The following DYNLT2 variants were observed in gnomAD, a reference collection of about 807,000 sequenced individuals.
DYNLT2 encodes the protein dynein light chain Tctex-type protein 2.
Under a neutral mutation model 24.3 loss-of-function variants are expected in DYNLT2, and 24 were observed. The observed-to-expected ratio is 0.99, with a 90% CI of 0.71 to 1.39. The LOEUF is 1.39. DYNLT2 is among the 40% of genes most tolerant of loss of function. The pLI, the probability that DYNLT2 is intolerant of heterozygous loss-of-function variation, is 0.00. For synonymous variants in DYNLT2, 85 were observed against 85.4 expected (o/e 1.00, Z 0.03); for missense variants, 246 against 234.5 (o/e 1.05, Z -0.32).
chr6:169,744,686 AATTTT>A (rs1356967836), intron 1 of DYNLT2, among the ~76,000 whole-genome samples: 40 of 152,120 alleles, frequency 2.6e-4, no homozygotes, highest in African/African-American at 9.4e-4. Context: ...ATTGTCTTAA[AATTTT>A]ATTTTACTTC....
downstream of DYNLT2, among the ~76,000 whole-genome samples, chr6:169,737,118 T>A (rs1384587640): frequency 6.6e-6 from 1 of 152,214 alleles, no homozygotes; most frequent in Non-Finnish European, 1.5e-5. Flanking sequence ...CTGTTGATAC[T>A]TGTGTATGCT....
At chr6:169,747,675 A>G (rs941606790) in intron 1 of DYNLT2, among the ~76,000 whole-genome samples, 2 of 152,160 alleles carry the variant, frequency 1.3e-5, no homozygotes, top group Non-Finnish European at 2.9e-5. Flanking sequence ...TGTAATTATA[A>G]TAACTTCATA....
chr6:169,746,750 C>G (rs1487038040), intron 1 of DYNLT2, among the ~76,000 whole-genome samples: 3 of 152,024 alleles, frequency 2.0e-5, no homozygotes, highest in African/African-American at 7.2e-5. Flanking sequence ...AACAAGGCCT[C>G]TGGCAATGTG....
intron 1 of DYNLT2, among the ~76,000 whole-genome samples, chr6:169,748,511 T>G (rs1018267271): frequency 6.6e-6 from 1 of 152,252 alleles, no homozygotes; most frequent in Non-Finnish European, 1.5e-5. Context: ...TTACTCCATA[T>G]TGGCTGCGAG....
At chr6:169,725,658 A>AC in the DYNLT2 span, 2 of 208,686 alleles carry the variant, frequency 9.6e-6, no homozygotes, top group Non-Finnish European at 1.9e-5. Context: ...AAAAAAACAA[A>AC]AACAAAAAAA....
At position 169,751,523 on chromosome 6, in the gene DYNLT2, A is replaced by T; in HGVS notation, c.-65T>A. 6.2e-7 allele frequency: 1 copy of T among 1,610,612 alleles called. No individual in the cohort carries two copies. The highest frequency in any genetic ancestry group is 8.5e-7 in the Non-Finnish European group (1 of 1,178,748). On this transcript the variant is annotated 5_prime_UTR_variant, in exon 1 of 4. Transcript: ENST00000366774. ...CCGCCGGCGGTCAAACGCCCTAGCC[A>T]GTCCCGCGAGGGCGGAAGTCTCCCA... is the stretch of plus-strand genomic sequence containing the variant.
chr6:169,737,711 G>C (rs1490219365), downstream of DYNLT2, among the ~76,000 whole-genome samples: 1 of 152,126 alleles, frequency 6.6e-6, no homozygotes, highest in East Asian at 1.9e-4. Flanking sequence ...CTGACCTTGA[G>C]GGGCACCAGC....
chr6:169,744,346 G>A (rs1335853712), intron 1 of DYNLT2, 72 bp from the exon 2 acceptor site: 4 of 1,316,482 alleles, frequency 3.0e-6, no homozygotes, highest in Non-Finnish European at 4.2e-6. Context: ...TGAGTTTTCA[G>A]ATTAAATAAG....
chr6:169,730,167 C>T, the DYNLT2 span, among the ~76,000 whole-genome samples: 1 of 152,158 alleles, frequency 6.6e-6, no homozygotes, highest in East Asian at 1.9e-4. Flanking sequence ...GAAAATTGCA[C>T]AGTGCATACT....
the DYNLT2 span, among the ~76,000 whole-genome samples, chr6:169,727,552 G>GTTTGTTTT: frequency 6.8e-6 from 1 of 147,142 alleles, no homozygotes; most frequent in Non-Finnish European, 1.5e-5. Flanking sequence ...AAACTTGAAG[G>GTTTGTTTT]TTTGTTTTTT....
Position 169,751,559 on chromosome 6 carries a change from G to C in DYNLT2, c.-101C>G. The C allele has an allele frequency of 4.3e-6, 7 of 1,609,940 alleles. No homozygotes were observed. Among genetic ancestry groups the C allele is most frequent in the Middle Eastern group, 3.3e-4 (2 of 6,034 alleles). On this transcript the variant is annotated 5_prime_UTR_variant, in exon 1 of 4. Coordinates refer to ENST00000366774, the MANE Select transcript of DYNLT2 (RefSeq NM_174910.3). Reference sequence around the variant, plus strand: ...GGCGGAAGTCTCCCACCTGCGCCTCGTACGGTAGGAAGTGCCCGCCAGGGC... The same window carrying C: ...GGCGGAAGTCTCCCACCTGCGCCTCCTACGGTAGGAAGTGCCCGCCAGGGC...
At chr6:169,739,470 A>G (rs1212950249), downstream of DYNLT2, among the ~76,000 whole-genome samples, 2 of 152,136 alleles carry the variant, frequency 1.3e-5, no homozygotes, top group East Asian at 1.9e-4. Context: ...AGCAAAATGA[A>G]TGTACGTGGA....
chr6:169,730,931 T>A, the DYNLT2 span, among the ~76,000 whole-genome samples: 3 of 152,190 alleles, frequency 2.0e-5, no homozygotes, highest in Admixed American at 1.3e-4. Flanking sequence ...TGTATCTGAA[T>A]ACTTAGCATG....
chr6:169,739,764 C>T (rs563912251), downstream of DYNLT2, among the ~76,000 whole-genome samples: 2 of 152,208 alleles, frequency 1.3e-5, no homozygotes, highest in South Asian at 4.1e-4. Context: ...ACAATGAATA[C>T]AAAGTATTAA....
At chr6:169,743,883 T>C (rs1305020480) in intron 2 of DYNLT2, among the ~76,000 whole-genome samples, 185 bp downstream of exon 2, 1 of 152,178 alleles carries the variant, frequency 6.6e-6, no homozygotes, top group Non-Finnish European at 1.5e-5. Flanking sequence ...ACTGGACACC[T>C]AGCAGACAGA....
chr6:169,751,276 G>A, intron 1 of DYNLT2, 63 bp downstream of exon 1: 2 of 1,558,472 alleles, frequency 1.3e-6, no homozygotes, highest in South Asian at 2.3e-5. Context: ...GCCCACTGGG[G>A]AGCGATTTCA....
At chr6:169,734,568 G>A in the DYNLT2 span, among the ~76,000 whole-genome samples, 13 of 152,304 alleles carry the variant, frequency 8.5e-5, no homozygotes, top group Admixed American at 2.6e-4. Context: ...CTTTGGTTCT[G>A]TTTATGAGAT....
downstream of DYNLT2, among the ~76,000 whole-genome samples, chr6:169,737,616 T>C (rs1227002296): frequency 2.0e-5 from 3 of 152,128 alleles, no homozygotes; most frequent in Non-Finnish European, 4.4e-5. Context: ...GCCCTACTCA[T>C]CTGATTTGCT....
At chr6:169,735,438 C>T (rs1299115583), downstream of DYNLT2, among the ~76,000 whole-genome samples, 2 of 152,144 alleles carry the variant, frequency 1.3e-5, no homozygotes, top group Admixed American at 1.3e-4. Context: ...GTAAATTTCC[C>T]TCTTAACACT....
Sources: gnomAD v4.1 joint callset for allele counts (sites outside exome capture counted in the v4.1 genomes callset) on GRCh38, gnomAD v4.1.1 for gene constraint, MANE v1.5 for transcripts, NCBI Gene and HGNC (gene_info 2026-07-23, HGNC 2026-07-21) for gene names.